The following DENND4A variants were observed in gnomAD, a reference collection of about 807,000 sequenced individuals.
DENND4A encodes C-myc promoter-binding protein.
DENND4A carries 70 observed loss-of-function variants against 199.3 expected under a neutral mutation model. The ratio of observed to expected loss-of-function variants is 0.35; its 90% CI spans 0.29 to 0.43. The LOEUF is 0.43. Ranked by LOEUF, DENND4A falls within the 20% of genes least tolerant of loss-of-function variation. DENND4A has a pLI of 1.00. For missense variants in DENND4A, 1,723 were observed against 2,255.8 expected, an observed-to-expected ratio of 0.76 and a Z score of 4.78; for synonymous variants, 686 against 766.9, an observed-to-expected ratio of 0.89 and a Z score of 1.74.
chr15:65,696,273 T>C, intron 22 of DENND4A, 93 bp downstream of exon 22: 4 of 1,455,242 alleles, frequency 2.7e-6, no homozygotes, highest in Admixed American at 2.3e-5. Flanking sequence ...TAAAATCACC[T>C]TGGAGAATTA....
At chr15:65,662,473 AT>A (rs886092746) in intron 32 of DENND4A, among the ~76,000 whole-genome samples, 14 of 151,546 alleles carry the variant, frequency 9.2e-5, no homozygotes, top group Middle Eastern at 3.4e-3. Context: ...CCATGTAATG[AT>A]TTTTTTTTCC....
Position 65,671,887 on chromosome 15 carries a change from C to T in DENND4A, c.4370-1G>A, listed in dbSNP as rs775324462. 6.3e-7 allele frequency: 1 copy of T among 1,579,406 alleles called. No individual in the cohort carries two copies. The highest frequency in any genetic ancestry group is 8.7e-7 in the Non-Finnish European group (1 of 1,148,596). On this transcript the variant is annotated splice_acceptor_variant, in intron 24 of 32. Transcript: ENST00000443035. LOFTEE classifies it high-confidence loss of function. Reference sequence around the variant, plus strand: ...GGTAAGGCAAACTTCGACAGAGATCCTGTTCATTAGTGAAAAACAAAGAAC... The same window carrying T: ...GGTAAGGCAAACTTCGACAGAGATCTTGTTCATTAGTGAAAAACAAAGAAC...
intron 11 of DENND4A, among the ~76,000 whole-genome samples, chr15:65,727,452 C>CA (rs35066518): frequency 0.048 from 3,205 of 67,338 alleles, 47 homozygotes; most frequent in African/African-American, 0.07. Context: ...GACTCCGTCT[C>CA]AAAAAAAAAA....
chr15:65,787,296 CA>C (rs1274280557), intron 1 of DENND4A, among the ~76,000 whole-genome samples: 1 of 152,156 alleles, frequency 6.6e-6, no homozygotes, highest in East Asian at 1.9e-4. Context: ...ATGGAAAACA[CA>C]TTTTTACACA....
chr15:65,715,618 A>T lies in DENND4A; in HGVS notation c.1813T>A (p.Leu605Ile). The change falls in exon 14 of 33, where the codon TTA becomes ATA. Residue 605 changes from leucine to isoleucine, a missense_variant. By Grantham distance (5) the Leu-to-Ile change is conservative. Around this residue, in one of 6 missense-constraint regions of DENND4A, gnomAD observed 725 missense variants for 952.9 expected, o/e 0.76. Coordinates refer to ENST00000443035, the MANE Select transcript of DENND4A (RefSeq NM_001320835.1). ...TGATGTGACCGGTCCCGGCTTCTTA[A>T]GAAAGCTGTTCAACAAAAATATATA... is the stretch of plus-strand genomic sequence containing the variant. ...AASLFALQAF[L>I]RSRDRSHQKF... is the part of the protein sequence containing the mutation. 6.5e-7 allele frequency: 1 copy of T among 1,548,548 alleles called. No homozygotes were observed. Among genetic ancestry groups the T allele is most frequent in the Non-Finnish European group, 8.7e-7 (1 of 1,149,386 alleles).
intron 1 of DENND4A, among the ~76,000 whole-genome samples, chr15:65,785,247 T>C (rs963509421): frequency 6.6e-5 from 10 of 151,114 alleles, no homozygotes; most frequent in African/African-American, 2.2e-4. Context: ...CGATTATAAT[T>C]CCAGCACTTT....
At chr15:65,731,731 A>C in intron 8 of DENND4A, 31 bp from the exon 9 acceptor site, 3 of 1,476,334 alleles carry the variant, frequency 2.0e-6, no homozygotes, top group Non-Finnish European at 2.7e-6. Context: ...AAGAATTTGA[A>C]ACATAAAGAT....
intron 20 of DENND4A, among the ~76,000 whole-genome samples, chr15:65,699,495 C>T (rs543467534): frequency 4.6e-5 from 7 of 151,270 alleles, no homozygotes; most frequent in Non-Finnish European, 8.8e-5. Context: ...ATCTTCGGCA[C>T]TATAATTCTA....
At chr15:65,743,152 C>T (rs944217038) in intron 4 of DENND4A, among the ~76,000 whole-genome samples, 4 of 152,268 alleles carry the variant, frequency 2.6e-5, no homozygotes, top group South Asian at 2.1e-4. Context: ...ACTACATAAA[C>T]GAGTGATCCT....
intron 6 of DENND4A, among the ~76,000 whole-genome samples, chr15:65,738,477 A>T (rs1232123857): frequency 1.3e-5 from 2 of 152,180 alleles, no homozygotes; most frequent in African/African-American, 2.4e-5. Flanking sequence ...AAGGATCATC[A>T]TTTGATGATG....
At chr15:65,774,296 G>C (rs1410444319) in intron 1 of DENND4A, among the ~76,000 whole-genome samples, 1 of 152,152 alleles carries the variant, frequency 6.6e-6, no homozygotes, top group Non-Finnish European at 1.5e-5. Flanking sequence ...TTTGAGACCA[G>C]CCTGACCAAC....
chr15:65,716,754 T>G (rs1046055269), intron 13 of DENND4A, among the ~76,000 whole-genome samples: 1 of 151,856 alleles, frequency 6.6e-6, no homozygotes, highest in Non-Finnish European at 1.5e-5. Flanking sequence ...CCTTTGGGTA[T>G]ATACCCAGTA....
At chr15:65,765,789 A>C (rs1233727007) in intron 1 of DENND4A, among the ~76,000 whole-genome samples, 1 of 152,232 alleles carries the variant, frequency 6.6e-6, no homozygotes, top group African/African-American at 2.4e-5. Context: ...GATGCAGCGC[A>C]CTTCCATCAC....
chr15:65,687,536 T>A (rs1328042302), intron 23 of DENND4A, among the ~76,000 whole-genome samples: 3 of 152,194 alleles, frequency 2.0e-5, no homozygotes, highest in Non-Finnish European at 2.9e-5. Flanking sequence ...ATAACTTCCT[T>A]CAGCATATCT....
intron 20 of DENND4A, 29 bp from the exon 21 acceptor site, chr15:65,697,412 T>G: frequency 2.2e-6 from 3 of 1,374,426 alleles, no homozygotes; most frequent in Non-Finnish European, 3.1e-6. Flanking sequence ...AACAAAACTC[T>G]ATTAGAAACT....
intron 1 of DENND4A, among the ~76,000 whole-genome samples, chr15:65,782,728 T>C (rs1442840781): frequency 6.6e-6 from 1 of 152,174 alleles, no homozygotes; most frequent in Non-Finnish European, 1.5e-5. Context: ...TTAAATTAGC[T>C]AAAACATACA....
At chr15:65,770,904 G>A (rs2077108401) in intron 1 of DENND4A, among the ~76,000 whole-genome samples, 1 of 152,162 alleles carries the variant, frequency 6.6e-6, no homozygotes, top group African/African-American at 2.4e-5. Context: ...CTACAGGTGT[G>A]ATAATCCTTT....
chr15:65,773,507 T>A (rs2077197703), intron 1 of DENND4A, among the ~76,000 whole-genome samples: 1 of 152,092 alleles, frequency 6.6e-6, no homozygotes, highest in Admixed American at 6.5e-5. Flanking sequence ...AACGACACCA[T>A]CTAAATTCTG....
chr15:65,789,695 A>G (rs1179590788), intron 1 of DENND4A, among the ~76,000 whole-genome samples: 1 of 152,298 alleles, frequency 6.6e-6, no homozygotes, highest in African/African-American at 2.4e-5. Context: ...CATCAATTTA[A>G]GTAGGAATAG....
Sources: gnomAD v4.1 joint callset for allele counts (sites outside exome capture counted in the v4.1 genomes callset) on GRCh38, gnomAD v4.1.1 for gene constraint, gnomAD v4.1.1 regional missense constraint, MANE v1.5 for transcripts, NCBI Gene and HGNC (gene_info 2026-07-23, HGNC 2026-07-21) for gene names.